PTPRD: variants seen among roughly 807,000 people sequenced by gnomAD.
PTPRD encodes protein tyrosine phosphatase receptor type D.
In PTPRD, 34 loss-of-function variants were observed where a neutral mutation model predicts 214.5. That is an observed-to-expected ratio of 0.16 (90% CI 0.12 to 0.21). The LOEUF is 0.21. Ranked by LOEUF, PTPRD falls within the 10% of genes least tolerant of loss-of-function variation. The pLI, the probability that PTPRD is intolerant of heterozygous loss-of-function variation, is 1.00. For synonymous variants in PTPRD, 1,128 were observed against 845.7 expected (o/e 1.33, Z -5.79); for missense variants, 2,545 against 2,398.7 (o/e 1.06, Z -1.27).
chr9:9,815,642 C>G (rs2153557553), intron 5 of PTPRD, among the ~76,000 whole-genome samples: 1 of 152,112 alleles, frequency 6.6e-6, no homozygotes, highest in Middle Eastern at 3.4e-3. Context: ...AAGCCAGATA[C>G]AGCAAGATAC....
At position 8,500,996 on chromosome 9, in the gene PTPRD, C is replaced by G; in HGVS notation, c.1886G>C (p.Ser629Thr). ...TSPSSTSILVSWQPPPVEKQN... is the reference protein window; with the variant it reads ...TSPSSTSILVTWQPPPVEKQN... ...TTTTTCCACTGGTGGAGGTTGCCAACTTACCAAAATACTAGTGGAACTTGG... is the reference window on the plus strand; with the variant it reads ...TTTTTCCACTGGTGGAGGTTGCCAAGTTACCAAAATACTAGTGGAACTTGG... Residue 629 changes from serine to threonine, a missense_variant, in exon 24 of 46, where the codon AGT (serine) becomes ACT (threonine). Coordinates refer to ENST00000381196, the MANE Select transcript of PTPRD (RefSeq NM_002839.4). 1 of 1,613,960 alleles carries G rather than the reference C, an allele frequency of 6.2e-7. No homozygotes were observed. The highest frequency in any genetic ancestry group is 1.7e-5 in the Admixed American group (1 of 59,996).
intron 10 of PTPRD, among the ~76,000 whole-genome samples, chr9:9,147,736 T>C (rs1167416016): frequency 6.6e-6 from 1 of 152,100 alleles, no homozygotes; most frequent in Non-Finnish European, 1.5e-5. Context: ...TGGCCCTTTA[T>C]AGAAAATGTT....
intron 3 of PTPRD, among the ~76,000 whole-genome samples, chr9:10,220,206 C>G (rs1488780591): frequency 6.6e-6 from 1 of 151,690 alleles, no homozygotes; most frequent in African/African-American, 2.4e-5. Context: ...CAGTATAACA[C>G]AAAAGAATAT....
At chr9:10,129,173 A>G (rs1176027878) in intron 3 of PTPRD, among the ~76,000 whole-genome samples, 1 of 152,186 alleles carries the variant, frequency 6.6e-6, no homozygotes, top group Non-Finnish European at 1.5e-5. Context: ...AAAGCCTGCT[A>G]TTTGGTGATA....
intron 32 of PTPRD, among the ~76,000 whole-genome samples, chr9:8,463,587 T>A (rs1201955311): frequency 2.6e-5 from 4 of 151,728 alleles, no homozygotes; most frequent in African/African-American, 9.7e-5. Flanking sequence ...AACATAGATT[T>A]CCAACCCATT....
chr9:10,282,617 C>T (rs777829003), intron 3 of PTPRD, among the ~76,000 whole-genome samples: 1 of 152,158 alleles, frequency 6.6e-6, no homozygotes, highest in Non-Finnish European at 1.5e-5. Context: ...TGGCTCTCAA[C>T]CCTGGCTGTA....
intron 11 of PTPRD, among the ~76,000 whole-genome samples, chr9:8,768,723 G>C (rs1334923046): frequency 6.6e-6 from 1 of 151,960 alleles, no homozygotes; most frequent in African/African-American, 2.4e-5. Context: ...TTCTAATAAT[G>C]ATTCCATAAA....
At chr9:9,317,119 C>T (rs571712245) in intron 9 of PTPRD, among the ~76,000 whole-genome samples, 1 of 152,132 alleles carries the variant, frequency 6.6e-6, no homozygotes, top group Non-Finnish European at 1.5e-5. Flanking sequence ...TTACTTTCTA[C>T]TGGTTCATTT....
chr9:10,449,560 C>T (rs2098824340), intron 2 of PTPRD, among the ~76,000 whole-genome samples: 1 of 151,492 alleles, frequency 6.6e-6, no homozygotes, highest in Non-Finnish European at 1.5e-5. Context: ...TGAGGAGCGT[C>T]TCTGCCCGGC....
At chr9:10,457,763 A>T (rs1434948553) in intron 2 of PTPRD, among the ~76,000 whole-genome samples, 2 of 152,092 alleles carry the variant, frequency 1.3e-5, no homozygotes, top group Non-Finnish European at 2.9e-5. Context: ...AGTCAATAGA[A>T]ATGTTGTTGG....
rs76677988 is a variant in PTPRD, at chr9:9,978,058, A to G, written c.-471-39448T>C. Among the ~76,000 whole-genome samples the G allele has an allele frequency of 6.2e-3, 948 of 152,218 alleles. 6 individuals are homozygous for G. The highest frequency in any genetic ancestry group is 8.6e-3 in the Non-Finnish European group (585 of 67,978). On this transcript the variant is annotated intron_variant, in intron 4 of 45. Coordinates refer to ENST00000381196, the MANE Select transcript of PTPRD (RefSeq NM_002839.4). The stretch of plus-strand genomic sequence containing the variant: ...AAGTATAACTTTTCTCAAGTCCATC[A>G]GATAGCTGATATTGTAGAGCAACCA...
At chr9:10,602,463 A>C (rs1259551491) in intron 2 of PTPRD, among the ~76,000 whole-genome samples, 2 of 151,840 alleles carry the variant, frequency 1.3e-5, no homozygotes, top group African/African-American at 4.8e-5. Flanking sequence ...TTTCACTTTC[A>C]TCTCCAGGTA....
chr9:8,770,685 A>C (rs2095138488), intron 11 of PTPRD, among the ~76,000 whole-genome samples: 1 of 152,192 alleles, frequency 6.6e-6, no homozygotes, highest in Non-Finnish European at 1.5e-5. Flanking sequence ...TTTCGTGGAA[A>C]TATATATTGT....
rs139518990 is a variant in PTPRD, at chr9:10,051,215, C to T, written c.-544-17425G>A. ...TAGAGAAGAAAAAGAAAAGAATATC[C>T]ATAATTTTGAAGAAAAGAGTTGTTT... On this transcript the variant is annotated intron_variant, in intron 3 of 45. Coordinates refer to ENST00000381196, the MANE Select transcript of PTPRD (RefSeq NM_002839.4). Among the ~76,000 whole-genome samples the T allele has an allele frequency of 9.1e-3, 1,377 of 152,096 alleles. 11 individuals are homozygous for T. Among genetic ancestry groups the T allele is most frequent in the Non-Finnish European group, 0.013 (875 of 67,964 alleles).
At chr9:8,453,086 G>A (rs891695497) in intron 33 of PTPRD, among the ~76,000 whole-genome samples, 1 of 152,176 alleles carries the variant, frequency 6.6e-6, no homozygotes, top group Non-Finnish European at 1.5e-5. Flanking sequence ...AATAGAGGGA[G>A]ATTAGAAGAG....
At position 10,374,526 on chromosome 9, in the gene PTPRD, A is replaced by G. The variant is rs957558107; in HGVS notation, c.-599-33509T>C. Among the ~76,000 whole-genome samples, 12 of 152,140 alleles carry G rather than the reference A, an allele frequency of 7.9e-5. No individual in the cohort carries two copies. The East Asian group carries it at 2.3e-3, about 29-fold the overall frequency. Reference sequence around the variant, plus strand: ...GAATAACTGTCTCTTTCCTGATCATAGGAGCCACACTCAGATGCCTCAGGA... The same window carrying G: ...GAATAACTGTCTCTTTCCTGATCATGGGAGCCACACTCAGATGCCTCAGGA... On this transcript the variant is annotated intron_variant, in intron 2 of 45. Coordinates refer to ENST00000381196, the MANE Select transcript of PTPRD (RefSeq NM_002839.4).
intron 8 of PTPRD, among the ~76,000 whole-genome samples, chr9:9,483,401 C>A (rs1254853443): frequency 6.6e-6 from 1 of 152,054 alleles, no homozygotes; most frequent in Admixed American, 6.6e-5. Flanking sequence ...AGGATGTAAA[C>A]AAGGGAGTCA....
chr9:9,538,123 T>C (rs1000083218), intron 8 of PTPRD, among the ~76,000 whole-genome samples: 5 of 151,890 alleles, frequency 3.3e-5, no homozygotes, highest in Admixed American at 1.3e-4. Flanking sequence ...TCAGAGCATC[T>C]TTCAAAGTAT....
At chr9:8,613,858 A>G (rs983171350) in intron 14 of PTPRD, among the ~76,000 whole-genome samples, 1 of 152,100 alleles carries the variant, frequency 6.6e-6, no homozygotes, top group African/African-American at 2.4e-5. Context: ...TCTCAGCCCA[A>G]CTGTCTTTTC....
Sources: gnomAD v4.1 joint callset for allele counts (sites outside exome capture counted in the v4.1 genomes callset) on GRCh38, gnomAD v4.1.1 for gene constraint, MANE v1.5 for transcripts, NCBI Gene and HGNC (gene_info 2026-07-23, HGNC 2026-07-21) for gene names.